NUP155: variants seen among roughly 807,000 people sequenced by gnomAD.
The protein encoded by NUP155 is nucleoporin 155, also known as nuclear pore complex protein Nup155.
Under a neutral mutation model 180.4 loss-of-function variants are expected in NUP155, and 71 were observed. The ratio of observed to expected loss-of-function variants is 0.39; its 90% confidence interval spans 0.33 to 0.48. The LOEUF (loss-of-function observed/expected upper bound fraction) is 0.48, where lower values mean the gene tolerates loss of function less well. Among genes scored for constraint, NUP155 ranks in the 20% least tolerant of loss-of-function variants. The pLI, the probability that NUP155 is intolerant of heterozygous loss-of-function variation, is 0.91. For missense variants in NUP155, 1,553 were observed against 1,648.9 expected (o/e 0.94, Z 1.01); for synonymous variants, 582 against 559.5 (o/e 1.04, Z -0.57).
intron 16 of NUP155, 37 bp from the exon 17 acceptor site, chr5:37,328,457 G>T: frequency 5.7e-6 from 8 of 1,402,276 alleles, no homozygotes; most frequent in Non-Finnish European, 8.1e-6. Context: ...ATTTAGAAAA[G>T]AACATCTCAA....
At chr5:37,301,204 G>C (rs1248120909) in intron 30 of NUP155, 2 of 452,752 alleles carry the variant, frequency 4.4e-6, no homozygotes, top group Admixed American at 3.4e-5. Context: ...CAGCTCTCAT[G>C]CGAGGATGAT....
intron 20 of NUP155, among the ~76,000 whole-genome samples, chr5:37,323,226 T>C (rs992663433): frequency 6.6e-6 from 1 of 152,150 alleles, no homozygotes; most frequent in Admixed American, 6.6e-5. Flanking sequence ...CGGAGGTTGC[T>C]GTGAGCCAAG....
intron 29 of NUP155, 35 bp downstream of exon 29, chr5:37,302,744 C>T: frequency 1.2e-6 from 2 of 1,611,148 alleles, no homozygotes; most frequent in Non-Finnish European, 8.5e-7. Context: ...GGCTAGTACT[C>T]AATGTGGACA....
intron 3 of NUP155, among the ~76,000 whole-genome samples, chr5:37,359,139 A>C (rs1747037411): frequency 6.7e-6 from 1 of 148,496 alleles, no homozygotes; most frequent in South Asian, 2.1e-4. Context: ...TTTATGAAAA[A>C]TTTATATATA....
intron 22 of NUP155, among the ~76,000 whole-genome samples, chr5:37,313,504 TGA>T (rs1554126192): frequency 1.3e-4 from 17 of 129,224 alleles, no homozygotes; most frequent in Middle Eastern, 4.5e-3. Flanking sequence ...TGTGTGTGTG[TGA>T]GAGAGACAGA....
In NUP155 at chr5:37,366,710, G is replaced by A. The variant is rs965192274; in HGVS notation, c.158-2326C>T. On this transcript the variant is annotated intron_variant, in intron 1 of 34. Coordinates refer to ENST00000231498, the MANE Select transcript of NUP155 (RefSeq NM_153485.3). Reference sequence around the variant, plus strand: ...GGAGTCTCACAGGCTGGAGTGCAGTGGCCTGATCTCAGCTCACTGCAAGCT... The same window carrying A: ...GGAGTCTCACAGGCTGGAGTGCAGTAGCCTGATCTCAGCTCACTGCAAGCT... 4.6e-5 allele frequency among the ~76,000 whole-genome samples: 7 copies of A among 151,214 alleles called. No homozygotes were observed. In the South Asian group the frequency reaches 1.3e-3, roughly 27 times the overall value.
At position 37,325,144 on chromosome 5, in the gene NUP155, T is replaced by C. The variant is rs199642466; in HGVS notation, c.2091+757A>G. On this transcript the variant is annotated intron_variant, in intron 19 of 34. Transcript: ENST00000231498. The stretch of plus-strand genomic sequence containing the variant: ...CCAGCTTGGGCAACAAGAGTGAAAC[T>C]GTGCCACTGCACTCCAGCTTGGGCA... Among the ~76,000 whole-genome samples the C allele has an allele frequency of 4.6e-4, 70 of 152,190 alleles. 1 individual carries two copies. In the East Asian group the frequency reaches 0.01, roughly 23 times the overall value.
At position 37,292,178 on chromosome 5, in the gene NUP155, A is replaced by G. The variant is rs1170388754; in HGVS notation, c.4038-140T>C. The G allele has an allele frequency of 1.1e-5, 9 of 826,912 alleles. No individual in the cohort carries two copies. The Admixed American group carries it at 2.5e-4, about 23-fold the overall frequency. 51.2% of individuals were successfully genotyped at this position (826,912 alleles called of 1,614,324 possible). A position where few individuals can be genotyped will look rare whatever the true frequency, so the allele number is the denominator to read the frequency against. ...TGATTAAGTAAATAAGAAATAAAGTAAAAAAGAAAACTTGGGTGTAGGTGG... is the reference window on the plus strand; with the variant it reads ...TGATTAAGTAAATAAGAAATAAAGTGAAAAAGAAAACTTGGGTGTAGGTGG... On this transcript the variant is annotated intron_variant, in intron 34 of 34. Coordinates refer to ENST00000231498, the MANE Select transcript of NUP155 (RefSeq NM_153485.3).
At chr5:37,367,379 T>G (rs1394288814) in intron 1 of NUP155, among the ~76,000 whole-genome samples, 1 of 151,900 alleles carries the variant, frequency 6.6e-6, no homozygotes, top group Non-Finnish European at 1.5e-5. Flanking sequence ...CACACCCGGC[T>G]AATTTTTGTA....
At chr5:37,347,167 G>A (rs1049446922) in intron 9 of NUP155, among the ~76,000 whole-genome samples, 1 of 152,162 alleles carries the variant, frequency 6.6e-6, no homozygotes, top group East Asian at 1.9e-4. Flanking sequence ...GGTGGTGATT[G>A]CAGCAAGCTG....
At position 37,304,808 on chromosome 5, in the gene NUP155, C is replaced by G. The variant is rs746982345; in HGVS notation, c.3093G>C (p.Lys1031Asn). ...AAAGGGCAATACTAAAGAGCTCATC[C>G]TTGGATCGCTGTGACAATTTAAGCA... ...EQMLKLSQRS[K>N]DELFSIALYN... Residue 1031 changes from lysine (K) to asparagine (N), a missense_variant, in exon 27 of 35, where the codon AAG becomes AAC. By Grantham distance (94) the Lys-to-Asn change is moderately conservative. Coordinates refer to ENST00000231498, the MANE Select transcript of NUP155 (RefSeq NM_153485.3). The G allele has an allele frequency of 1.2e-6, 2 of 1,613,860 alleles. No homozygotes were observed. Among genetic ancestry groups the G allele is most frequent in the East Asian group, 4.5e-5 (2 of 44,880 alleles).
Position 37,290,850 on chromosome 5 carries a change from G to C in NUP155, c.*1050C>G, listed in dbSNP as rs1371605076. 6.6e-6 allele frequency: 1 copy of C among 152,122 alleles called. No individual in the cohort carries two copies. The highest frequency in any genetic ancestry group is 1.5e-5 in the Non-Finnish European group (1 of 68,032). 9.4% of individuals were successfully genotyped at this position (152,122 alleles called of 1,614,324 possible). A position where few individuals can be genotyped will look rare whatever the true frequency, so the allele number is the denominator to read the frequency against. On this transcript the variant is annotated 3_prime_UTR_variant, in exon 35 of 35. Coordinates refer to ENST00000231498, the MANE Select transcript of NUP155 (RefSeq NM_153485.3). The stretch of plus-strand genomic sequence containing the variant: ...TTTTTGATTCAGTAGGTCTGGGTTG[G>C]GGCTCGAGAATTTGCATTTCTAACA...
At chr5:37,307,630 T>C (rs910748781) in intron 24 of NUP155, among the ~76,000 whole-genome samples, 198 bp from the exon 25 acceptor site, 4 of 152,014 alleles carry the variant, frequency 2.6e-5, no homozygotes, top group African/African-American at 9.7e-5. Context: ...TAAATATATT[T>C]CTTCATTGGG....
chr5:37,311,262 T>C (rs1275864544), intron 22 of NUP155, among the ~76,000 whole-genome samples: 1 of 152,190 alleles, frequency 6.6e-6, no homozygotes. Context: ...TTCAAGGAAA[T>C]ACCCAAACTG....
At chr5:37,346,653 A>G (rs965608384) in intron 9 of NUP155, among the ~76,000 whole-genome samples, 1 of 151,946 alleles carries the variant, frequency 6.6e-6, no homozygotes, top group Admixed American at 6.6e-5. Context: ...CCTGGGGGAC[A>G]AGAGTGAGAC....
Position 37,313,473 on chromosome 5 carries a change from A to ATGTG in NUP155, c.2436+721_2436+724dup, listed in dbSNP as rs34904169. 5.5e-3 allele frequency among the ~76,000 whole-genome samples: 789 copies of ATGTG among 143,524 alleles called. 2 individuals are homozygous for ATGTG. The highest frequency in any genetic ancestry group is 8.8e-3 in the South Asian group (39 of 4,436). 94.2% of individuals were successfully genotyped at this position (143,524 alleles called of 152,430 possible). On this transcript the variant is annotated intron_variant, in intron 22 of 34. Transcript: ENST00000231498. ...ATAAAATGAAGTAGGAGTGGTGTAT[A>ATGTG]TGTGTGTGTGTGTGTGTGTGTGTGT... is the stretch of plus-strand genomic sequence containing the variant.
At chr5:37,345,454 T>A (rs895439872) in intron 9 of NUP155, among the ~76,000 whole-genome samples, 7 of 135,750 alleles carry the variant, frequency 5.2e-5, no homozygotes, top group African/African-American at 2.0e-4. Context: ...GAGGCTGCAG[T>A]AAGCCACGAT....
chr5:37,323,872 T>A, intron 20 of NUP155, 120 bp downstream of exon 20: 2 of 706,676 alleles, frequency 2.8e-6, no homozygotes, highest in South Asian at 1.6e-5. Context: ...ACCTTGTAGA[T>A]ACACTAAAAA....
intron 20 of NUP155, among the ~76,000 whole-genome samples, chr5:37,323,260 G>A (rs771915332): frequency 5.9e-5 from 9 of 152,184 alleles, no homozygotes; most frequent in Non-Finnish European, 8.8e-5. Flanking sequence ...ACTCCAGCAC[G>A]GGTGACAGAG....
Sources: allele counts gnomAD v4.1 joint callset (sites outside exome capture counted in the v4.1 genomes callset), GRCh38; gene constraint gnomAD v4.1.1; transcripts MANE v1.5; gene names NCBI Gene and HGNC (gene_info 2026-07-23, HGNC 2026-07-21).